Variants in CUL3 observed in about 807,000 individuals in gnomAD.
The protein encoded by CUL3 is cullin 3, also known as cullin-3.
Under a neutral mutation model 89.1 loss-of-function variants are expected in CUL3, and 19 were observed. The ratio of observed to expected loss-of-function variants is 0.21; its 90% CI spans 0.15 to 0.31. The LOEUF (loss-of-function observed/expected upper bound fraction) is 0.31. Among genes scored for constraint, CUL3 ranks in the 10% least tolerant of loss-of-function variants. The probability of loss-of-function intolerance (pLI) is 1.00; values close to 1 mark genes in which losing one functional copy is unlikely to be tolerated. For synonymous variants in CUL3, 351 were observed against 308.4 expected (o/e 1.14, Z -1.45); for missense variants, 469 against 942.3 (o/e 0.50, Z 6.58).
intron 2 of CUL3, among the ~76,000 whole-genome samples, chr2:224,556,131 A>G (rs1330444469): frequency 1.3e-5 from 2 of 152,192 alleles, no homozygotes; most frequent in African/African-American, 4.8e-5. Context: ...GAGCAGAAAT[A>G]GAAAATTACT....
In CUL3 at chr2:224,503,061, T is replaced by A; in HGVS notation, c.1389A>T (p.Gly463=). 6.2e-7 allele frequency: 1 copy of A among 1,610,350 alleles called. No individual in the cohort carries two copies. The highest frequency in any genetic ancestry group is 8.5e-7 in the Non-Finnish European group (1 of 1,176,704). Residue 463 remains glycine, a synonymous_variant, in exon 10 of 16, where the codon GGA becomes GGT. Coordinates refer to ENST00000264414, the MANE Select transcript of CUL3 (RefSeq NM_003590.5). Reference sequence around the variant, plus strand: ...CTTCCAGTTTTGACGTGAACTGACATCCACATTCAGTCTGTGGAGGAAAAA... The same window carrying A: ...CTTCCAGTTTTGACGTGAACTGACAACCACATTCAGTCTGTGGAGGAAAAA... ...NMISKLKTEC[G]CQFTSKLEGM...
In CUL3 at chr2:224,549,440, CAT is replaced by C. The variant is rs527336774; in HGVS notation, c.264+8217_264+8218del. On this transcript the variant is annotated intron_variant, in intron 2 of 15. Transcript: ENST00000264414. Reference sequence around the variant, plus strand: ...TTAATAACCTAAACTTATCAAGACACATAATCATAATTTTTAAAGTTCTTTGG... The same window carrying C: ...TTAATAACCTAAACTTATCAAGACACAATCATAATTTTTAAAGTTCTTTGG... Among the ~76,000 whole-genome samples the C allele has an allele frequency of 3.9e-5, 6 of 152,092 alleles. No individual in the cohort carries two copies. The South Asian group carries it at 1.0e-3, about 26-fold the overall frequency.
At chr2:224,503,924 A>C in intron 8 of CUL3, 102 bp from the exon 9 acceptor site, 1 of 893,616 alleles carries the variant, frequency 1.1e-6, no homozygotes, top group Non-Finnish European at 1.6e-6. Context: ...GAAAACATAG[A>C]TATCTGGTTG....
intron 3 of CUL3, among the ~76,000 whole-genome samples, chr2:224,523,823 C>T (rs1693359704): frequency 6.6e-6 from 1 of 152,132 alleles, no homozygotes; most frequent in African/African-American, 2.4e-5. Flanking sequence ...AAGGGACAAA[C>T]ACCTTATGAT....
At chr2:224,487,078 G>T (rs796104461) in intron 13 of CUL3, among the ~76,000 whole-genome samples, 24 of 152,248 alleles carry the variant, frequency 1.6e-4, no homozygotes, top group African/African-American at 5.8e-4. Flanking sequence ...GAGGGATTCT[G>T]TCACCACCAG....
intron 13 of CUL3, among the ~76,000 whole-genome samples, chr2:224,482,827 T>C (rs969499721): frequency 2.0e-4 from 30 of 152,214 alleles, no homozygotes; most frequent in Non-Finnish European, 7.4e-5. Context: ...TACATGTCTA[T>C]AGTGATATGT....
intron 1 of CUL3, among the ~76,000 whole-genome samples, chr2:224,566,407 G>T (rs532754636): frequency 5.3e-4 from 80 of 152,342 alleles, no homozygotes; most frequent in African/African-American, 1.8e-3. Context: ...GACTGCACTT[G>T]CACAGAACAG....
chr2:224,546,847 C>T (rs982989534), intron 2 of CUL3, among the ~76,000 whole-genome samples: 3 of 152,232 alleles, frequency 2.0e-5, no homozygotes, highest in African/African-American at 4.8e-5. Flanking sequence ...TCATATCCCA[C>T]GGTTGCTGTT....
In CUL3 at chr2:224,474,011, T is replaced by C. The variant is rs1691223393; in HGVS notation, c.*234A>G. The C allele has an allele frequency of 5.9e-6, 2 of 337,572 alleles. No homozygotes were observed. Among genetic ancestry groups the C allele is most frequent in the African/African-American group, 4.2e-5 (2 of 47,688 alleles). 20.9% of individuals were successfully genotyped at this position (337,572 alleles called of 1,614,324 possible). Reference sequence around the variant, plus strand: ...AAAACAAAACGCAGCACATTCACATTTTCCCGAGGAACTGTAAAGATGATC... The same window carrying C: ...AAAACAAAACGCAGCACATTCACATCTTCCCGAGGAACTGTAAAGATGATC... On this transcript the variant is annotated 3_prime_UTR_variant, in exon 16 of 16. Transcript: ENST00000264414.
rs369004949 is a variant in CUL3, at chr2:224,500,490, A to G, written c.1486-3T>C. On this transcript the variant is annotated splice_region_variant and splice_polypyrimidine_tract_variant and intron_variant, in intron 10 of 15. Transcript: ENST00000264414. ...AGATCAACACCACCTAAAGATACCT[A>G]TGTAAAACAGAAAGAGATATTCCCC... 1.2e-6 allele frequency: 2 copies of G among 1,613,584 alleles called. No individual in the cohort carries two copies. Among genetic ancestry groups the G allele is most frequent in the Admixed American group, 1.7e-5 (1 of 60,010 alleles).
Position 224,584,959 on chromosome 2 carries a change from C to T in CUL3, c.51G>A (p.Arg17=). 6.6e-7 allele frequency: 1 copy of T among 1,505,068 alleles called. No individual in the cohort carries two copies. The highest frequency in any genetic ancestry group is 9.0e-7 in the Non-Finnish European group (1 of 1,116,246). The allele number at this position is 1,505,068 out of a possible 1,614,324, so 93.2% of individuals were successfully genotyped here. The change falls in exon 1 of 16, where the codon CGG becomes CGA. Residue 17 remains arginine (R), a synonymous_variant. Coordinates refer to ENST00000264414, the MANE Select transcript of CUL3 (RefSeq NM_003590.5). The stretch of plus-strand genomic sequence containing the variant: ...AGAGACTCACCGGAAAGGCCCGGAT[C>T]CGCATCTTGGTGTCCTTCCGGCTGC... ...GTGSRKDTKM[R]IRAFPMTMDE...
chr2:224,497,361 A>T (rs1036213163), intron 12 of CUL3, among the ~76,000 whole-genome samples: 1 of 152,132 alleles, frequency 6.6e-6, no homozygotes, highest in African/African-American at 2.4e-5. Context: ...ACAAATGTTA[A>T]TTTTCCCAAT....
At chr2:224,527,217 A>G (rs1379694963) in intron 3 of CUL3, among the ~76,000 whole-genome samples, 2 of 152,256 alleles carry the variant, frequency 1.3e-5, no homozygotes, top group African/African-American at 2.4e-5. Context: ...CTGAAAGCAG[A>G]GAAGGTGCCA....
At chr2:224,559,473 A>T (rs1315372474) in intron 1 of CUL3, among the ~76,000 whole-genome samples, 4 of 151,350 alleles carry the variant, frequency 2.6e-5, no homozygotes, top group Non-Finnish European at 2.9e-5. Flanking sequence ...AAAAAAAAAA[A>T]TGTCAGTTTC....
intron 13 of CUL3, among the ~76,000 whole-genome samples, chr2:224,487,331 A>G (rs1361892720): frequency 6.6e-6 from 1 of 152,006 alleles, no homozygotes; most frequent in African/African-American, 2.4e-5. Context: ...CAAATTGGAT[A>G]AAGAGTCAAG....
intron 13 of CUL3, among the ~76,000 whole-genome samples, chr2:224,487,448 A>C (rs1691774208): frequency 6.9e-6 from 1 of 145,388 alleles, no homozygotes; most frequent in Admixed American, 6.8e-5. Flanking sequence ...CCCCCCAAAA[A>C]AAAAAAAAAA....
At chr2:224,528,245 C>G (rs773951503) in intron 3 of CUL3, among the ~76,000 whole-genome samples, 5 of 152,146 alleles carry the variant, frequency 3.3e-5, no homozygotes, top group Admixed American at 6.5e-5. Context: ...CAGGAGCACC[C>G]ATTTCCTTGC....
chr2:224,546,077 A>AT (rs2106283892), intron 2 of CUL3, among the ~76,000 whole-genome samples: 1 of 152,322 alleles, frequency 6.6e-6, no homozygotes, highest in South Asian at 2.1e-4. Flanking sequence ...ATGCAGAAAG[A>AT]AAAATGACAG....
Position 224,474,322 on chromosome 2 carries a change from G to A in CUL3, c.2230C>T (p.Arg744Cys), listed in dbSNP as rs752958265. Residue 744 changes from arginine to cysteine, a missense_variant, in exon 16 of 16, where the codon CGT becomes TGT. Around this residue, in one of 4 missense-constraint regions of CUL3, gnomAD observed 65 missense variants for 147.8 expected, o/e 0.44. Transcript: ENST00000264414. ...TCTCTCTCAATAAGTCCTTCAATAC[G>A]TTTCTTAATAACAACTGGACTTGGT... is the stretch of plus-strand genomic sequence containing the variant. ...FLPSPVVIKK[R>C]IEGLIEREYL... 1.9e-6 allele frequency: 3 copies of A among 1,613,864 alleles called. No homozygotes were observed. Among genetic ancestry groups the A allele is most frequent in the African/African-American group, 1.3e-5 (1 of 75,022 alleles).
Sources: allele counts gnomAD v4.1 joint callset (sites outside exome capture counted in the v4.1 genomes callset), GRCh38; gene constraint gnomAD v4.1.1; regional missense constraint gnomAD v4.1.1; transcripts MANE v1.5; gene names NCBI Gene and HGNC (gene_info 2026-07-23, HGNC 2026-07-21).